HHATL: variants seen among roughly 807,000 people sequenced by gnomAD.
The protein encoded by HHATL is protein-cysteine N-palmitoyltransferase HHAT-like protein.
A neutral mutation model predicts 59.7 loss-of-function variants in HHATL; 49 were observed. The ratio of observed to expected loss-of-function variants is 0.82; its 90% CI spans 0.65 to 1.04. The LOEUF is 1.04. Ranked by LOEUF, HHATL falls within the 50% of genes least tolerant of loss-of-function variation. The pLI is 0.00. For missense variants in HHATL, 605 were observed against 650.8 expected, an observed-to-expected ratio of 0.93 and a Z score of 0.77; for synonymous variants, 238 against 257.3, an observed-to-expected ratio of 0.93 and a Z score of 0.72.
Position 42,698,199 on chromosome 3 carries a change from G to C in HHATL, c.636C>G (p.Phe212Leu). 5.0e-6 allele frequency: 8 copies of C among 1,614,228 alleles called. No individual in the cohort carries two copies. The highest frequency in any genetic ancestry group is 6.8e-6 in the Non-Finnish European group (8 of 1,180,028). Residue 212 changes from phenylalanine to leucine, a missense_variant, in exon 6 of 12, where the codon TTC (phenylalanine) becomes TTG (leucine). Physicochemically the swap from Phe to Leu is conservative, Grantham distance 22. Coordinates refer to ENST00000441594, the MANE Select transcript of HHATL (RefSeq NM_020707.4). ...YSLADLLKYNFYLPFFFFGPI... is the reference protein window; with the variant it reads ...YSLADLLKYNLYLPFFFFGPI... Reference sequence around the variant, plus strand: ...GCCCGAAGAAGAAGAAGGGCAGGTAGAAGTTGTACTTGAGCAGGTCAGCTA... The same window carrying C: ...GCCCGAAGAAGAAGAAGGGCAGGTACAAGTTGTACTTGAGCAGGTCAGCTA...
At position 42,699,770 on chromosome 3, in the gene HHATL, A is replaced by G; in HGVS notation, c.162T>C (p.Ile54=). ...GTGGGGGACCTACCATCTTCCGGCC[A>G]ATGTACTCCCAGCCAGGTCGCACAG... is the stretch of plus-strand genomic sequence containing the variant. ...RESVRPGWEY[I]GRKMDVADFE... is the part of the protein sequence containing the mutation. Residue 54 remains isoleucine (I), a synonymous_variant, in exon 3 of 12, where the codon ATT becomes ATC. Coordinates refer to ENST00000441594, the MANE Select transcript of HHATL (RefSeq NM_020707.4). 6.3e-7 allele frequency: 1 copy of G among 1,580,732 alleles called. No individual in the cohort carries two copies. Among genetic ancestry groups the G allele is most frequent in the Non-Finnish European group, 8.6e-7 (1 of 1,162,656 alleles).
At chr3:42,696,740 T>C (rs981562026) in intron 9 of HHATL, 102 bp downstream of exon 9, 50 of 1,306,694 alleles carry the variant, frequency 3.8e-5, no homozygotes, top group Non-Finnish European at 5.3e-5. Context: ...TTGCTTCCCC[T>C]GGCCCAGGGG....
chr3:42,694,547 A>G (rs1254306494), intron 9 of HHATL, among the ~76,000 whole-genome samples: 1 of 152,214 alleles, frequency 6.6e-6, no homozygotes, highest in Non-Finnish European at 1.5e-5. Flanking sequence ...CCATTACAAT[A>G]GGAATAAACT....
In HHATL at chr3:42,701,754, T is replaced by A. The variant is rs1300560184; in HGVS notation, c.-14+825A>T. ...GCACCTTTACCCTTCCTATCCCGCT[T>A]CAGCCTGGCTCAGGGGCTTCCCAAG... On this transcript the variant is annotated intron_variant, in intron 1 of 11. Coordinates refer to ENST00000441594, the MANE Select transcript of HHATL (RefSeq NM_020707.4). The surrounding 1 kb of genome is among the most constrained non-coding windows in gnomAD (Gnocchi z 5.1). Among the ~76,000 whole-genome samples the A allele has an allele frequency of 1.3e-5, 2 of 152,210 alleles. No individual in the cohort carries two copies. The highest frequency in any genetic ancestry group is 4.8e-5 in the African/African-American group (2 of 41,450).
chr3:42,696,983 G>C lies in HHATL; in HGVS notation c.1010+18C>G. The C allele has an allele frequency of 6.2e-7, 1 of 1,611,188 alleles. No individual in the cohort carries two copies. The highest frequency in any genetic ancestry group is 8.5e-7 in the Non-Finnish European group (1 of 1,178,258). On this transcript the variant is annotated intron_variant, in intron 8 of 11. Coordinates refer to ENST00000441594, the MANE Select transcript of HHATL (RefSeq NM_020707.4). ...TGGTCCCAGGGGGTGAGCCTCCCCC[G>C]TCCTGGCCAGCACTCACGTTTCCGC...
At chr3:42,697,188 G>C (rs765275695) in intron 7 of HHATL, 43 bp from the exon 8 acceptor site, 1 of 1,507,010 alleles carries the variant, frequency 6.6e-7, no homozygotes, top group East Asian at 2.3e-5. Context: ...CAATCGCCTG[G>C]GGCCTGCCCC....
chr3:42,699,130 C>T lies in HHATL; in HGVS notation c.190G>A (p.Glu64Lys), dbSNP rs376447387. 4.2e-5 allele frequency: 67 copies of T among 1,613,722 alleles called. No individual in the cohort carries two copies. The highest frequency in any genetic ancestry group is 5.0e-5 in the Non-Finnish European group (59 of 1,179,862). Reference sequence around the variant, plus strand: ...AAGGAGGTGAACCACATCACCCACTCGAAGTCAGCCACATCCTGGGGCAGT... The same window carrying T: ...AAGGAGGTGAACCACATCACCCACTTGAAGTCAGCCACATCCTGGGGCAGT... ...IGRKMDVADF[E>K]WVMWFTSFRN... is the part of the protein sequence containing the mutation. Residue 64 changes from glutamate (E) to lysine (K), a missense_variant, in exon 4 of 12, where the codon GAG becomes AAG. By Grantham distance (56) the Glu-to-Lys change is moderately conservative. Coordinates refer to ENST00000441594, the MANE Select transcript of HHATL (RefSeq NM_020707.4).
intron 2 of HHATL, 71 bp downstream of exon 2, chr3:42,700,650 T>C: frequency 3.0e-6 from 3 of 997,414 alleles, no homozygotes; most frequent in Non-Finnish European, 4.6e-6. Context: ...TTTCTGGCTT[T>C]GCTGGTTGGA....
chr3:42,699,236 C>T (rs1324738780), intron 3 of HHATL, 91 bp from the exon 4 acceptor site: 2 of 714,650 alleles, frequency 2.8e-6, no homozygotes, highest in Non-Finnish European at 5.0e-6. Flanking sequence ...AGAGCCCCAG[C>T]ACCTTTCCCA....
intron 10 of HHATL, 51 bp downstream of exon 10, chr3:42,693,566 C>A: frequency 1.3e-6 from 2 of 1,509,916 alleles, no homozygotes; most frequent in Admixed American, 1.8e-5. Context: ...AGCAGTGCCC[C>A]CCCGCCCTCT....
intron 9 of HHATL, among the ~76,000 whole-genome samples, chr3:42,695,217 C>G (rs1697552219): frequency 6.6e-6 from 1 of 152,234 alleles, no homozygotes; most frequent in African/African-American, 2.4e-5. Context: ...CTTTGCCCAA[C>G]TCCTCTTGAC....
At chr3:42,699,315 C>T (rs1352968262) in intron 3 of HHATL, among the ~76,000 whole-genome samples, 170 bp from the exon 4 acceptor site, 5 of 152,222 alleles carry the variant, frequency 3.3e-5, no homozygotes, top group Non-Finnish European at 7.4e-5. Flanking sequence ...TTACCACTAG[C>T]CAAACCCAAC....
At position 42,698,895 on chromosome 3, in the gene HHATL, G is replaced by C. The variant is rs751859604; in HGVS notation, c.296C>G (p.Ser99Cys). 1.2e-6 allele frequency: 2 copies of C among 1,607,582 alleles called. No homozygotes were observed. The highest frequency in any genetic ancestry group is 2.2e-5 in the South Asian group (2 of 90,018). The change falls in exon 5 of 12, where the codon TCC (serine) becomes TGC (cysteine). Residue 99 changes from serine (S) to cysteine (C), a missense_variant. Ser to Cys is a moderately radical substitution (Grantham distance 112). Transcript: ENST00000441594. ...GGCCCCGTACACAGCATACATCCAG[G>C]AGCGGAGCTGTGGGCAGGGAGAAGG... ...LCTMVAPKLR[S>C]WMYAVYGALA...
chr3:42,696,447 C>T (rs548471309), intron 9 of HHATL, among the ~76,000 whole-genome samples: 1 of 152,344 alleles, frequency 6.6e-6, no homozygotes, highest in East Asian at 1.9e-4. Flanking sequence ...ACCCAACCAC[C>T]TCCCTGAACC....
rs776480057 is a variant in HHATL at position 42,699,157 on chromosome 3, CGGGGCAGAAGGAGGT to C, written c.175-27_175-13del. On this transcript the variant is annotated splice_polypyrimidine_tract_variant and intron_variant, in intron 3 of 11. Transcript: ENST00000441594. ...AAGTCAGCCACATCCTGGGGCAGTC[CGGGGCAGAAGGAGGT>C]GGGGCAGGTGAGGGTGGGAGAGGGG... 10 of 1,607,636 alleles carry C rather than the reference CGGGGCAGAAGGAGGT, an allele frequency of 6.2e-6. No homozygotes were observed. The highest frequency in any genetic ancestry group is 8.5e-6 in the Non-Finnish European group (10 of 1,174,184).
chr3:42,695,761 T>C (rs1023361722), intron 9 of HHATL, among the ~76,000 whole-genome samples: 1 of 152,156 alleles, frequency 6.6e-6, no homozygotes, highest in African/African-American at 2.4e-5. Flanking sequence ...TGCTTTCCTC[T>C]GCATCCACAC....
Position 42,699,819 on chromosome 3 carries a change from G to C in HHATL, c.113C>G (p.Ala38Gly). ...AGACTCCCGGAAGGCCTTCCTGTGGGCCCCATCTGAGAACAGAGTGTGGCC... is the reference window on the plus strand; with the variant it reads ...AGACTCCCGGAAGGCCTTCCTGTGGCCCCCATCTGAGAACAGAGTGTGGCC... Reference protein sequence around the residue: ...RGLLEASQDGAHRKAFRESVR... With the variant: ...RGLLEASQDGGHRKAFRESVR... The change falls in exon 3 of 12, where the codon GCC (alanine) becomes GGC (glycine). Residue 38 changes from alanine to glycine, a missense_variant. Coordinates refer to ENST00000441594, the MANE Select transcript of HHATL (RefSeq NM_020707.4). 3.8e-6 allele frequency: 6 copies of C among 1,562,374 alleles called. No individual in the cohort carries two copies. Among genetic ancestry groups the C allele is most frequent in the Non-Finnish European group, 5.2e-6 (6 of 1,152,600 alleles).
At chr3:42,695,664 T>C (rs1352811961) in intron 9 of HHATL, among the ~76,000 whole-genome samples, 5 of 152,206 alleles carry the variant, frequency 3.3e-5, no homozygotes, top group African/African-American at 1.2e-4. Flanking sequence ...GTCCCTGTCC[T>C]GGCTTTCTCA....
chr3:42,697,156 G>A lies in HHATL; in HGVS notation c.866-11C>T. ...AATAGGCTAGGCCAGCTGGGGGCAG[G>A]GCACTGTCACTGCCTGGGGTCCAAT... is the stretch of plus-strand genomic sequence containing the variant. On this transcript the variant is annotated splice_polypyrimidine_tract_variant and intron_variant, in intron 7 of 11. Coordinates refer to ENST00000441594, the MANE Select transcript of HHATL (RefSeq NM_020707.4). 2 of 1,516,860 alleles carry A rather than the reference G, an allele frequency of 1.3e-6. No homozygotes were observed. Among genetic ancestry groups the A allele is most frequent in the African/African-American group, 1.4e-5 (1 of 71,902 alleles). 94.0% of individuals were successfully genotyped at this position (1,516,860 alleles called of 1,614,324 possible).
Sources: allele counts gnomAD v4.1 joint callset (sites outside exome capture counted in the v4.1 genomes callset), GRCh38; gene constraint gnomAD v4.1.1; non-coding constraint Gnocchi (gnomAD v3.1); transcripts MANE v1.5; gene names NCBI Gene and HGNC (gene_info 2026-07-23, HGNC 2026-07-21).